RRN3: variants seen among roughly 807,000 people sequenced by gnomAD.
RRN3 encodes RNA polymerase I-specific transcription initiation factor RRN3.
RRN3 carries 38 observed loss-of-function variants against 82.3 expected under a neutral mutation model. The ratio of observed to expected loss-of-function variants is 0.46; its 90% CI spans 0.36 to 0.61. RRN3 has a LOEUF of 0.61. RRN3 is among the 20% of genes least tolerant of loss of function. RRN3 has a pLI of 0.00. For missense variants in RRN3, 726 were observed against 793.1 expected (o/e 0.92, Z 1.02); for synonymous variants, 284 against 284.3 (o/e 1.00, Z 0.01).
intron 3 of RRN3, among the ~76,000 whole-genome samples, chr16:15,090,289 A>G (rs898257720): frequency 6.6e-6 from 1 of 152,216 alleles, no homozygotes; most frequent in African/African-American, 2.4e-5. Context: ...AGTGATAAGA[A>G]CAGTGGACTT....
chr16:15,093,925 G>T, intron 1 of RRN3: 1 of 548,384 alleles, frequency 1.8e-6, no homozygotes, highest in Admixed American at 3.8e-5. Flanking sequence ...CGGGAAAGGG[G>T]GCCTCCAGAA....
At chr16:15,064,524 T>C (rs2044870682) in intron 16 of RRN3, among the ~76,000 whole-genome samples, 1 of 152,164 alleles carries the variant, frequency 6.6e-6, no homozygotes, top group Non-Finnish European at 1.5e-5. Context: ...ATGTGGTCTC[T>C]AGAGGAAGGA....
intron 9 of RRN3, among the ~76,000 whole-genome samples, chr16:15,078,112 A>G (rs1323053098): frequency 1.3e-5 from 2 of 152,188 alleles, no homozygotes; most frequent in East Asian, 3.8e-4. Flanking sequence ...CTTCTTTGTA[A>G]ACATTCTAAA....
chr16:15,078,894 C>A (rs527760862), intron 9 of RRN3, among the ~76,000 whole-genome samples: 1 of 150,802 alleles, frequency 6.6e-6, no homozygotes, highest in South Asian at 2.1e-4. Context: ...TCACTGCAAG[C>A]TCCACCTCCC....
Position 15,073,070 on chromosome 16 carries a change from A to T in RRN3, c.1008T>A (p.Asp336Glu). 6.2e-7 allele frequency: 1 copy of T among 1,610,478 alleles called. No homozygotes were observed. Among genetic ancestry groups the T allele is most frequent in the Non-Finnish European group, 8.5e-7 (1 of 1,179,250 alleles). ...KDVCYVDGKVDNGKTKDLYRD... is the reference protein window; with the variant it reads ...KDVCYVDGKVENGKTKDLYRD... ...GATATAGATCCTTTGTTTTGCCGTT[A>T]TCAACCTTACCTATGGAGAAAATCT... The change falls in exon 12 of 18, where the codon GAT becomes GAA. Residue 336 changes from aspartate to glutamate, a missense_variant. Coordinates refer to ENST00000198767, the MANE Select transcript of RRN3 (RefSeq NM_018427.5).
intron 16 of RRN3, among the ~76,000 whole-genome samples, chr16:15,064,340 A>G (rs1237918269): frequency 6.6e-6 from 1 of 151,866 alleles, no homozygotes; most frequent in East Asian, 1.9e-4. Context: ...ACACCCAGCT[A>G]ATTTTTGTAT....
chr16:15,063,129 C>G, intron 17 of RRN3, 67 bp downstream of exon 17: 1 of 1,212,334 alleles, frequency 8.2e-7, no homozygotes, highest in Non-Finnish European at 1.2e-6. Context: ...TTGCCACTTA[C>G]TATCTCACTG....
chr16:15,094,083 C>T (rs1342187498), intron 1 of RRN3, 62 bp downstream of exon 1: 3 of 1,434,956 alleles, frequency 2.1e-6, no homozygotes, highest in Non-Finnish European at 2.9e-6. Flanking sequence ...TCAATCCGCT[C>T]CTCTAAGCGC....
At chr16:15,079,303 C>A (rs1363430113) in intron 9 of RRN3, among the ~76,000 whole-genome samples, 1 of 152,186 alleles carries the variant, frequency 6.6e-6, no homozygotes, top group Admixed American at 6.5e-5. Context: ...TTAGTGCGGG[C>A]CTCCTTAAAC....
At chr16:15,082,400 C>T (rs1467172200) in intron 8 of RRN3, among the ~76,000 whole-genome samples, 6 of 152,134 alleles carry the variant, frequency 3.9e-5, no homozygotes, top group Admixed American at 3.3e-4. Context: ...CGGCCGGTCA[C>T]GGTGGTTCAC....
chr16:15,075,119 G>A (rs1328593972), intron 10 of RRN3, among the ~76,000 whole-genome samples: 2 of 151,748 alleles, frequency 1.3e-5, no homozygotes, highest in Admixed American at 1.3e-4. Context: ...GTATGGTGGT[G>A]CACGCCTGTA....
Position 15,065,328 on chromosome 16 carries a change from T to G in RRN3, c.1597A>C (p.Asn533His). ...VFCYTIIERN[N>H]RQMLPVIRST... ...CTAATGACTGGCAGCATCTGGCGAT[T>G]GTTCCTCTCAATGATGGTGTAGCAG... The change falls in exon 16 of 18, where the codon AAT (asparagine) becomes CAT (histidine). Residue 533 changes from asparagine to histidine, a missense_variant. Asn to His is a moderately conservative substitution (Grantham distance 68). This residue lies in a region of RRN3 where 166 missense variants were observed against 154.8 expected (regional missense o/e 1.07). Transcript: ENST00000198767. 6.2e-7 allele frequency: 1 copy of G among 1,613,798 alleles called. No individual in the cohort carries two copies. Among genetic ancestry groups the G allele is most frequent in the East Asian group, 2.2e-5 (1 of 44,882 alleles).
chr16:15,079,596 CT>C (rs35328128), intron 9 of RRN3, among the ~76,000 whole-genome samples: 90,272 of 142,946 alleles, frequency 0.63, 29,720 homozygotes, highest in Non-Finnish European at 0.73. Context: ...GGTTTCTTTT[CT>C]TTTTTTTTTT....
intron 12 of RRN3, among the ~76,000 whole-genome samples, chr16:15,071,505 C>T (rs548278452): frequency 3.3e-5 from 5 of 152,320 alleles, no homozygotes; most frequent in East Asian, 1.9e-4. Context: ...CAGTGGCTCA[C>T]GCCTGTAATC....
At chr16:15,093,461 C>T (rs908857783) in intron 1 of RRN3, among the ~76,000 whole-genome samples, 1 of 152,144 alleles carries the variant, frequency 6.6e-6, no homozygotes, top group East Asian at 1.9e-4. Flanking sequence ...TACTGCCTTT[C>T]CCCCCTATGC....
Position 15,083,585 on chromosome 16 carries a change from A to G in RRN3, c.597-3T>C. 1.9e-6 allele frequency: 3 copies of G among 1,598,180 alleles called. No individual in the cohort carries two copies. Among genetic ancestry groups the G allele is most frequent in the Non-Finnish European group, 2.6e-6 (3 of 1,175,624 alleles). Reference sequence around the variant, plus strand: ...TTGGCATGAGAAACCACGGTGTCCTATTTTTAAAAAATTAAATCAATCCAT... The same window carrying G: ...TTGGCATGAGAAACCACGGTGTCCTGTTTTTAAAAAATTAAATCAATCCAT... On this transcript the variant is annotated splice_polypyrimidine_tract_variant and splice_region_variant and intron_variant, in intron 7 of 17. Transcript: ENST00000198767.
In RRN3 at chr16:15,087,178, A is replaced by C. The variant is rs2045942925; in HGVS notation, c.253-724T>G. Among the ~76,000 whole-genome samples, 3 of 152,198 alleles carry C rather than the reference A, an allele frequency of 2.0e-5. No individual in the cohort carries two copies. In the South Asian group the frequency reaches 6.2e-4, roughly 31 times the overall value. On this transcript the variant is annotated intron_variant, in intron 3 of 17. Transcript: ENST00000198767. Reference sequence around the variant, plus strand: ...TAAGAAAAAGCCCCTAATTTGTGGAAGGCTTAGACATATAAATAAAAGCAA... The same window carrying C: ...TAAGAAAAAGCCCCTAATTTGTGGACGGCTTAGACATATAAATAAAAGCAA...
intron 8 of RRN3, among the ~76,000 whole-genome samples, chr16:15,082,719 G>A (rs984633675): frequency 6.6e-5 from 10 of 151,260 alleles, no homozygotes; most frequent in African/African-American, 2.2e-4. Flanking sequence ...AACATCAGTC[G>A]CACTTGGTCA....
At chr16:15,088,021 G>C (rs1256343914) in intron 3 of RRN3, among the ~76,000 whole-genome samples, 1 of 152,114 alleles carries the variant, frequency 6.6e-6, no homozygotes, top group Non-Finnish European at 1.5e-5. Flanking sequence ...GGCTGAGGCA[G>C]GAGAATTGCT....
Sources: allele counts gnomAD v4.1 joint callset (sites outside exome capture counted in the v4.1 genomes callset), GRCh38; gene constraint gnomAD v4.1.1; regional missense constraint gnomAD v4.1.1; transcripts MANE v1.5; gene names NCBI Gene and HGNC (gene_info 2026-07-23, HGNC 2026-07-21).